Variants in GCG observed in about 807,000 individuals in gnomAD.
The protein encoded by GCG is pro-glucagon.
In GCG, 11 loss-of-function variants were observed where a neutral mutation model predicts 22.8. The observed-to-expected ratio is 0.48, with a 90% CI of 0.30 to 0.80. GCG has a LOEUF of 0.80. Ranked by LOEUF, GCG falls within the 30% of genes least tolerant of loss-of-function variation. GCG has a pLI of 0.06. For missense variants in GCG, 222 were observed against 222.0 expected (o/e 1.00, Z 0.00); for synonymous variants, 89 against 72.4 (o/e 1.23, Z -1.16).
At chr2:162,147,595 C>A in intron 2 of GCG, 81 bp from the exon 3 acceptor site, 4 of 1,213,034 alleles carry the variant, frequency 3.3e-6, no homozygotes, top group Non-Finnish European at 4.9e-6. Context: ...CTACAAAATA[C>A]AAGACCATAT....
Position 162,143,379 on chromosome 2 carries a change from T to TA in GCG, c.537-10dup. On this transcript the variant is annotated splice_polypyrimidine_tract_variant and intron_variant, in intron 5 of 5. Coordinates refer to ENST00000418842, the MANE Select transcript of GCG (RefSeq NM_002054.5). ...AGTGATATAGTTATTTCCTAGAGAT[T>TA]AAAAAAAGAAAATGATTTAACATAA... 4.6e-6 allele frequency: 5 copies of TA among 1,079,936 alleles called. No homozygotes were observed. The highest frequency in any genetic ancestry group is 6.8e-6 in the Non-Finnish European group (5 of 739,236). 66.9% of individuals were successfully genotyped at this position (1,079,936 alleles called of 1,614,324 possible).
chr2:162,147,284 T>C (rs1686711917), intron 3 of GCG, 69 bp downstream of exon 3: 3 of 1,148,942 alleles, frequency 2.6e-6, no homozygotes, highest in Admixed American at 1.9e-5. Context: ...AACTTAATAA[T>C]GTCAAGAGAA....
At chr2:162,147,756 C>T (rs1421323787) in intron 2 of GCG, among the ~76,000 whole-genome samples, 2 of 151,984 alleles carry the variant, frequency 1.3e-5, no homozygotes, top group Non-Finnish European at 1.5e-5. Context: ...TTCTTTTTTT[C>T]TGAAATAGGA....
rs1248242113 is a variant in GCG at position 162,147,369 on chromosome 2, T to A, written c.238A>T (p.Asn80Tyr). The change falls in exon 3 of 6, where the codon AAT becomes TAT. Residue 80 changes from asparagine to tyrosine, a missense_variant. Physicochemically the swap from Asn to Tyr is moderately radical, Grantham distance 143 (BLOSUM62 -2). Transcript: ENST00000418842. ...GACTCTTACCTGTTCCTCTTGGTAT[T>A]CATCAACCACTGCACAAAATCTTGG... ...RAQDFVQWLM[N>Y]TKRNRNNIAK... 6.2e-7 allele frequency: 1 copy of A among 1,612,900 alleles called. No homozygotes were observed. Among genetic ancestry groups the A allele is most frequent in the Non-Finnish European group, 8.5e-7 (1 of 1,179,106 alleles).
At chr2:162,144,509 C>A (rs1055799213) in intron 4 of GCG, 9 of 192,356 alleles carry the variant, frequency 4.7e-5, no homozygotes, top group Non-Finnish European at 9.7e-5. Context: ...TCCTATAAAA[C>A]CAGAGCTTGC....
chr2:162,147,953 G>A (rs1310253571), intron 2 of GCG, among the ~76,000 whole-genome samples: 2 of 152,042 alleles, frequency 1.3e-5, no homozygotes, highest in Admixed American at 6.6e-5. Flanking sequence ...TAGTTATATG[G>A]TGGCTAGCAG....
rs536229945 is a variant in GCG at position 162,152,205 on chromosome 2, C to T, written c.-57G>A. On this transcript the variant is annotated 5_prime_UTR_variant, in exon 1 of 6. Coordinates refer to ENST00000418842, the MANE Select transcript of GCG (RefSeq NM_002054.5). The stretch of plus-strand genomic sequence containing the variant: ...CAGAGCAGGTGAAGAGAGAGCAAGC[C>T]CTCTTTGGGAACTTTTGATGTGCTC... The T allele has an allele frequency of 6.6e-6, 1 of 152,606 alleles. No individual in the cohort carries two copies. Among genetic ancestry groups the T allele is most frequent in the Non-Finnish European group, 1.5e-5 (1 of 68,020 alleles). 9.5% of individuals were successfully genotyped at this position (152,606 alleles called of 1,614,324 possible). A position where few individuals can be genotyped will look rare whatever the true frequency, so the allele number is the denominator to read the frequency against.
chr2:162,148,422 C>T (rs1199192060), intron 2 of GCG, among the ~76,000 whole-genome samples: 1 of 151,842 alleles, frequency 6.6e-6, no homozygotes, highest in African/African-American at 2.4e-5. Flanking sequence ...AGTAGCTAAA[C>T]AAATATTGTA....
intron 3 of GCG, among the ~76,000 whole-genome samples, chr2:162,146,681 T>C (rs4664447): frequency 0.048 from 7,274 of 151,958 alleles, 714 homozygotes; most frequent in Admixed American, 0.24. Flanking sequence ...ACTCCCTTCC[T>C]CTTGTGGGCC....
intron 5 of GCG, 86 bp downstream of exon 5, chr2:162,143,941 C>A: frequency 8.9e-7 from 1 of 1,120,956 alleles, no homozygotes; most frequent in Non-Finnish European, 1.3e-6. Flanking sequence ...AGACTTTCCC[C>A]CTACATGGGG....
rs1686857780 is a variant in GCG at position 162,152,223 on chromosome 2, A to T, written c.-75T>A. 4 of 152,590 alleles carry T rather than the reference A, an allele frequency of 2.6e-5. No homozygotes were observed. 9.5% of individuals were successfully genotyped at this position (152,590 alleles called of 1,614,324 possible). A position where few individuals can be genotyped will look rare whatever the true frequency, so the allele number is the denominator to read the frequency against. On this transcript the variant is annotated 5_prime_UTR_variant, in exon 1 of 6. Coordinates refer to ENST00000418842, the MANE Select transcript of GCG (RefSeq NM_002054.5). Reference sequence around the variant, plus strand: ...AGCAAGCCCTCTTTGGGAACTTTTGATGTGCTCTGTGTCCTAAGCTCTGTA... The same window carrying T: ...AGCAAGCCCTCTTTGGGAACTTTTGTTGTGCTCTGTGTCCTAAGCTCTGTA...
chr2:162,149,906 T>C (rs932626004), intron 1 of GCG, among the ~76,000 whole-genome samples: 1 of 152,050 alleles, frequency 6.6e-6, no homozygotes, highest in African/African-American at 2.4e-5. Context: ...GAGATTACTA[T>C]GTAAAAAAAA....
chr2:162,144,937 A>G (rs1172202084), intron 4 of GCG: 1 of 152,154 alleles, frequency 6.6e-6, no homozygotes, highest in African/African-American at 2.4e-5. Context: ...TTTAGTAGAT[A>G]TCTATATGAC....
At chr2:162,149,059 T>G in intron 2 of GCG, 28 bp downstream of exon 2, 1 of 1,321,330 alleles carries the variant, frequency 7.6e-7, no homozygotes, top group Non-Finnish European at 1.1e-6. Flanking sequence ...CATATTGATA[T>G]GTTAGTTCGA....
Position 162,143,341 on chromosome 2 carries a change from G to T in GCG, c.*23C>A, listed in dbSNP as rs2106193920. 1 of 1,230,740 alleles carries T rather than the reference G, an allele frequency of 8.1e-7. No individual in the cohort carries two copies. Among genetic ancestry groups the T allele is most frequent in the Non-Finnish European group, 1.1e-6 (1 of 879,074 alleles). 76.2% of individuals were successfully genotyped at this position (1,230,740 alleles called of 1,614,324 possible). A position where few individuals can be genotyped will look rare whatever the true frequency, so the allele number is the denominator to read the frequency against. ...CGTGGCTAGCAGGTGATGTTGTGAA[G>T]ATGATCTTGAATAGTGATATAGTTA... On this transcript the variant is annotated 3_prime_UTR_variant, in exon 6 of 6. Coordinates refer to ENST00000418842, the MANE Select transcript of GCG (RefSeq NM_002054.5).
intron 4 of GCG, 180 bp downstream of exon 4, chr2:162,145,360 C>A (rs900824183): frequency 1.9e-6 from 1 of 519,284 alleles, no homozygotes; most frequent in Non-Finnish European, 3.3e-6. Flanking sequence ...ATTATTAATA[C>A]TTAGTACCAA....
Position 162,143,983 on chromosome 2 carries a change from TATG to T in GCG, c.536+41_536+43del, listed in dbSNP as rs552936167. 559 of 1,563,794 alleles carry T rather than the reference TATG, an allele frequency of 3.6e-4. 4 individuals carry two copies. The African/African-American group carries it at 6.4e-3, about 18-fold the overall frequency. ...TTGCAGCAGTATGACAATCAGTACT[TATG>T]AGAATTTGATGGTTTTCAGAATTAA... On this transcript the variant is annotated intron_variant, in intron 5 of 5. Transcript: ENST00000418842.
At chr2:162,148,336 G>C (rs1401935418) in intron 2 of GCG, among the ~76,000 whole-genome samples, 2 of 152,170 alleles carry the variant, frequency 1.3e-5, no homozygotes, top group East Asian at 3.9e-4. Flanking sequence ...AGAAATGTAG[G>C]AAAGTGTGTA....
intron 2 of GCG, among the ~76,000 whole-genome samples, chr2:162,148,685 T>C (rs1006169564): frequency 2.0e-5 from 3 of 152,150 alleles, no homozygotes; most frequent in Non-Finnish European, 4.4e-5. Flanking sequence ...ATATTTTTCA[T>C]ACTTTCCATC....
Sources: gnomAD v4.1 joint callset for allele counts (sites outside exome capture counted in the v4.1 genomes callset) on GRCh38, gnomAD v4.1.1 for gene constraint, MANE v1.5 for transcripts, NCBI Gene and HGNC (gene_info 2026-07-23, HGNC 2026-07-21) for gene names.